The following ACP6 variants were observed in gnomAD, a reference collection of about 807,000 sequenced individuals.
ACP6 encodes the protein lysophosphatidic acid phosphatase type 6.
In ACP6, 48 loss-of-function variants were observed where a neutral mutation model predicts 48.1. That is an observed-to-expected ratio of 1.00 (90% CI 0.79 to 1.27). ACP6 has a LOEUF of 1.27. Ranked by LOEUF, ACP6 falls within the 50% of genes most tolerant of loss-of-function variation. The pLI, the probability that ACP6 is intolerant of heterozygous loss-of-function variation, is 0.00. For synonymous variants in ACP6, 172 were observed against 204.2 expected (o/e 0.84, Z 1.34); for missense variants, 485 against 529.1 (o/e 0.92, Z 0.82).
chr1:147,667,946 C>T (rs1436785682), intron 1 of ACP6, among the ~76,000 whole-genome samples: 4 of 151,340 alleles, frequency 2.6e-5, no homozygotes, highest in East Asian at 2.0e-4. Context: ...GCCGAGATCG[C>T]GTCACTGCAC....
At chr1:147,650,499 G>A (rs1553210350) in intron 7 of ACP6, 2 of 362,522 alleles carry the variant, frequency 5.5e-6, no homozygotes, top group Non-Finnish European at 9.9e-6. Flanking sequence ...GGGGCTGAGG[G>A]AGCAGGAGAG....
At chr1:147,648,697 G>A (rs1457030299) in intron 8 of ACP6, among the ~76,000 whole-genome samples, 1 of 152,180 alleles carries the variant, frequency 6.6e-6, no homozygotes, top group Non-Finnish European at 1.5e-5. Context: ...CTGAGCGTGT[G>A]TGGCTTAGAC....
intron 4 of ACP6, among the ~76,000 whole-genome samples, chr1:147,657,422 TTTTG>T (rs1309884692): frequency 1.3e-5 from 2 of 151,938 alleles, no homozygotes; most frequent in African/African-American, 4.8e-5. Flanking sequence ...GGGATTCTTT[TTTTG>T]TTTGTTTGTT....
intron 6 of ACP6, 63 bp from the exon 7 acceptor site, chr1:147,652,612 T>A (rs782050022): frequency 6.2e-6 from 10 of 1,611,362 alleles, no homozygotes; most frequent in Non-Finnish European, 7.6e-6. Flanking sequence ...TGGCAGCTGA[T>A]CAGCTTCCAT....
intron 9 of ACP6, 25 bp downstream of exon 9, chr1:147,648,221 C>T: frequency 6.2e-7 from 1 of 1,612,700 alleles, no homozygotes. Context: ...CTCACCACCA[C>T]CCAACCCCAC....
At chr1:147,631,448 T>C (rs1221937469) in intron 5 of ACP6, among the ~76,000 whole-genome samples, 1 of 152,166 alleles carries the variant, frequency 6.6e-6, no homozygotes, top group Non-Finnish European at 1.5e-5. Context: ...ATTACGTGTT[T>C]GTTTGTTTTT....
chr1:147,647,512 T>G lies in ACP6; in HGVS notation c.1198A>C (p.Asn400His), dbSNP rs1234450026. Residue 400 changes from asparagine (N) to histidine (H), a missense_variant, in exon 10 of 10, where the codon AAT (asparagine) becomes CAT (histidine). Asn to His is a moderately conservative substitution (Grantham distance 68, BLOSUM62 1). Transcript: ENST00000583509. ...DGLCPLDMFL[N>H]AMSVYTLSPE... ...CTTAAGGTATAAACTGACATGGCATTCAAGAACATGTCCAGCGGGCAGAGC... is the reference window on the plus strand; with the variant it reads ...CTTAAGGTATAAACTGACATGGCATGCAAGAACATGTCCAGCGGGCAGAGC... 3.1e-6 allele frequency: 5 copies of G among 1,613,982 alleles called. No individual in the cohort carries two copies. The African/African-American group carries it at 6.7e-5, about 22-fold the overall frequency.
At chr1:147,655,497 C>T (rs990879213) in intron 4 of ACP6, among the ~76,000 whole-genome samples, 8 of 152,182 alleles carry the variant, frequency 5.3e-5, no homozygotes, top group Admixed American at 6.5e-5. Flanking sequence ...GCAAGCCCTC[C>T]TATCGGGCCA....
Position 147,648,259 on chromosome 1 carries a change from T to A in ACP6, c.1130A>T (p.Tyr377Phe). 6.2e-7 allele frequency: 1 copy of A among 1,614,140 alleles called. No homozygotes were observed. The highest frequency in any genetic ancestry group is 8.5e-7 in the Non-Finnish European group (1 of 1,180,014). The change falls in exon 9 of 10, where the codon TAT becomes TTT. Residue 377 changes from tyrosine (Y) to phenylalanine (F), a missense_variant. Physicochemically the swap from Tyr to Phe is conservative, Grantham distance 22. Transcript: ENST00000583509. ...LESKEWFVQL[Y>F]YHGKEQVPRG... Reference sequence around the variant, plus strand: ...CAGGGGTATTACCTTCCCGTGGTAATAGAGCTGCACAAACCACTCCTTAGA... The same window carrying A: ...CAGGGGTATTACCTTCCCGTGGTAAAAGAGCTGCACAAACCACTCCTTAGA...
intron 1 of ACP6, 152 bp from the exon 2 acceptor site, chr1:147,659,927 A>C: frequency 1.0e-6 from 1 of 988,324 alleles, no homozygotes; most frequent in Non-Finnish European, 1.4e-6. Context: ...ATGTTAGCTA[A>C]AATTAAGGGA....
chr1:147,640,793 G>A (rs1553208541), downstream of ACP6, among the ~76,000 whole-genome samples: 1 of 152,186 alleles, frequency 6.6e-6, no homozygotes, highest in Non-Finnish European at 1.5e-5. Flanking sequence ...ACGGAGAGCG[G>A]AATCCTGAGA....
At position 147,647,301 on chromosome 1, in the gene ACP6, T is replaced by G. The variant is rs1430952499; in HGVS notation, c.*122A>C. 1 of 1,178,358 alleles carries G rather than the reference T, an allele frequency of 8.5e-7. No homozygotes were observed. Among genetic ancestry groups the G allele is most frequent in the African/African-American group, 1.5e-5 (1 of 65,254 alleles). 73.0% of individuals were successfully genotyped at this position (1,178,358 alleles called of 1,614,324 possible). The stretch of plus-strand genomic sequence containing the variant: ...TTAGTAAACCCACAGAAAGGAAATA[T>G]CCTTACATTATATTAAAGTACATTA... On this transcript the variant is annotated 3_prime_UTR_variant, in exon 10 of 10. Coordinates refer to ENST00000583509, the MANE Select transcript of ACP6 (RefSeq NM_016361.5).
intron 9 of ACP6, 103 bp from the exon 10 acceptor site, chr1:147,647,669 A>G: frequency 4.2e-6 from 6 of 1,418,390 alleles, no homozygotes; most frequent in Non-Finnish European, 5.6e-6. Flanking sequence ...TGTGGTATAC[A>G]TGTGCATACA....
rs1659514570 is a variant in ACP6, at chr1:147,643,434, G to A, written c.*3989C>T. 1 of 152,270 alleles carries A rather than the reference G, an allele frequency of 6.6e-6. No individual in the cohort carries two copies. The highest frequency in any genetic ancestry group is 6.5e-5 in the Admixed American group (1 of 15,278). The allele number at this position is 152,270 out of a possible 1,614,324, so 9.4% of individuals were successfully genotyped here. A position where few individuals can be genotyped will look rare whatever the true frequency, so the allele number is the denominator to read the frequency against. On this transcript the variant is annotated 3_prime_UTR_variant, in exon 10 of 10. Transcript: ENST00000583509. ...ATTCAGCCCATGACAGAAGGTGGCA[G>A]AGTATACCTAAGGCAGGAGGTAGAA... is the stretch of plus-strand genomic sequence containing the variant.
At position 147,646,654 on chromosome 1, in the gene ACP6, GC is replaced by G. The variant is rs1553209471; in HGVS notation, c.*768del. 8.5e-5 allele frequency: 13 copies of G among 152,218 alleles called. No homozygotes were observed. 9.4% of individuals were successfully genotyped at this position (152,218 alleles called of 1,614,324 possible). ...GTTGAGTAGTTCCAGCCTTACCATT[GC>G]AGAGCCCTGGGGCCCACATTTGTTT... On this transcript the variant is annotated 3_prime_UTR_variant, in exon 10 of 10. Coordinates refer to ENST00000583509, the MANE Select transcript of ACP6 (RefSeq NM_016361.5).
In ACP6 at chr1:147,655,201, G is replaced by T; in HGVS notation, c.607C>A (p.Pro203Thr). The T allele has an allele frequency of 1.2e-6, 2 of 1,609,458 alleles. No homozygotes were observed. The highest frequency in any genetic ancestry group is 1.1e-5 in the South Asian group (1 of 89,914). Reference protein sequence around the residue: ...TDEADSEVLYPNYQSCWSLRQ... With the variant: ...TDEADSEVLYTNYQSCWSLRQ... The stretch of plus-strand genomic sequence containing the variant: ...AGGCTCCAGCAGCTTTGGTAGTTGG[G>T]ATACAAGACTTCTGAATCTGCTTCA... The change falls in exon 5 of 10, where the codon CCC becomes ACC. Residue 203 changes from proline (P) to threonine (T), a missense_variant. Pro to Thr is a conservative substitution (Grantham distance 38, BLOSUM62 -1). Transcript: ENST00000583509.
Position 147,669,914 on chromosome 1 carries a change from G to A in ACP6, c.135C>T (p.Arg45=), listed in dbSNP as rs1455787401. The A allele has an allele frequency of 9.5e-6, 15 of 1,586,456 alleles. No individual in the cohort carries two copies. Among genetic ancestry groups the A allele is most frequent in the Non-Finnish European group, 1.3e-5 (15 of 1,165,892 alleles). ...GCACCATTTTCAACTTCAGCAGGCT[G>A]CGGTCGACCGGACACTGGCCATCGG... ...QEADGQCPVD[R]SLLKLKMVQV... is the part of the protein sequence containing the mutation. The change falls in exon 1 of 10, where the codon CGC becomes CGT. Residue 45 remains arginine (R), a synonymous_variant. Transcript: ENST00000583509.
rs587663030 is a variant in ACP6 at position 147,669,902 on chromosome 1, C to T, written c.147G>A (p.Lys49=). 65 of 1,597,914 alleles carry T rather than the reference C, an allele frequency of 4.1e-5. No individual in the cohort carries two copies. The African/African-American group carries it at 8.0e-4, about 20-fold the overall frequency. Residue 49 remains lysine (K), a synonymous_variant, in exon 1 of 10, where the codon AAG becomes AAA. Transcript: ENST00000583509. The part of the protein sequence containing the change: ...GQCPVDRSLL[K]LKMVQVVFRH... ...GAAACACGACCTGCACCATTTTCAACTTCAGCAGGCTGCGGTCGACCGGAC... is the reference window on the plus strand; with the variant it reads ...GAAACACGACCTGCACCATTTTCAATTTCAGCAGGCTGCGGTCGACCGGAC...
In ACP6 at chr1:147,662,926, G is replaced by A. The variant is rs149908902; in HGVS notation, c.220-3151C>T. On this transcript the variant is annotated intron_variant, in intron 1 of 9. Coordinates refer to ENST00000583509, the MANE Select transcript of ACP6 (RefSeq NM_016361.5). ...ATTGCCACAGCCACCCCAACCTTTA[G>A]CAACTACTACCCTGATCAGTCAGCA... Among the ~76,000 whole-genome samples the A allele has an allele frequency of 4.0e-3, 616 of 152,250 alleles. 4 individuals carry two copies. The highest frequency in any genetic ancestry group is 5.2e-3 in the South Asian group (25 of 4,822).
Sources: gnomAD v4.1 joint callset for allele counts (sites outside exome capture counted in the v4.1 genomes callset) on GRCh38, gnomAD v4.1.1 for gene constraint, MANE v1.5 for transcripts, NCBI Gene and HGNC (gene_info 2026-07-23, HGNC 2026-07-21) for gene names.